KCNH1: variants seen among roughly 807,000 people sequenced by gnomAD.
KCNH1 encodes voltage-gated delayed rectifier potassium channel KCNH1.
KCNH1 carries 27 observed loss-of-function variants against 69.2 expected under a neutral mutation model. That is an observed-to-expected ratio of 0.39 (90% CI 0.29 to 0.54). KCNH1 has a LOEUF of 0.54. KCNH1 is among the 20% of genes least tolerant of loss of function. The pLI is 0.68. For synonymous variants in KCNH1, 456 were observed against 487.7 expected (o/e 0.93, Z 0.86); for missense variants, 798 against 1,261.6 (o/e 0.63, Z 5.57).
chr1:210,885,349 T>G (rs993430149), intron 7 of KCNH1, among the ~76,000 whole-genome samples: 2 of 152,194 alleles, frequency 1.3e-5, no homozygotes, highest in African/African-American at 4.8e-5. Context: ...CCTGAGGGAC[T>G]GTGCTGTGAG....
chr1:210,948,061 G>C (rs1049530411), intron 6 of KCNH1, among the ~76,000 whole-genome samples: 2 of 150,084 alleles, frequency 1.3e-5, no homozygotes, highest in African/African-American at 4.9e-5. Flanking sequence ...AAAAAAAAAG[G>C]AAAAAATTAG....
intron 6 of KCNH1, among the ~76,000 whole-genome samples, chr1:210,967,273 G>A (rs1335360460): frequency 6.6e-6 from 1 of 152,084 alleles, no homozygotes; most frequent in African/African-American, 2.4e-5. Flanking sequence ...GTATACCTAT[G>A]CAACAAAGCT....
At chr1:211,031,791 C>G (rs2102423529) in intron 5 of KCNH1, among the ~76,000 whole-genome samples, 1 of 152,274 alleles carries the variant, frequency 6.6e-6, no homozygotes, top group Middle Eastern at 3.4e-3. Context: ...ATGACAAACC[C>G]ATAGCCAATA....
At chr1:211,071,018 CAATT>C (rs1198825459) in intron 5 of KCNH1, among the ~76,000 whole-genome samples, 2 of 152,178 alleles carry the variant, frequency 1.3e-5, no homozygotes, top group Middle Eastern at 3.4e-3. Flanking sequence ...AATATAAAGT[CAATT>C]AACACATCTT....
At chr1:210,698,612 G>T (rs1002274680) in intron 10 of KCNH1, among the ~76,000 whole-genome samples, 3 of 152,184 alleles carry the variant, frequency 2.0e-5, no homozygotes, top group Non-Finnish European at 4.4e-5. Context: ...AATCACGGAG[G>T]GGAGGGAGCC....
At chr1:211,022,295 C>T (rs1024260689) in intron 5 of KCNH1, among the ~76,000 whole-genome samples, 2 of 152,034 alleles carry the variant, frequency 1.3e-5, no homozygotes, top group Non-Finnish European at 2.9e-5. Context: ...GAAATTAGAC[C>T]CCTATCTCTT....
At chr1:210,738,639 A>G (rs1021660967) in intron 10 of KCNH1, among the ~76,000 whole-genome samples, 5 of 133,868 alleles carry the variant, frequency 3.7e-5, no homozygotes, top group Non-Finnish European at 7.6e-5. Flanking sequence ...ATCAGAGCTC[A>G]CTGCAGCCTC....
In KCNH1 at chr1:210,838,098, C is replaced by A. The variant is rs541212564; in HGVS notation, c.1463-33932G>T. Among the ~76,000 whole-genome samples the A allele has an allele frequency of 2.1e-4, 32 of 152,228 alleles. 1 individual carries two copies. The East Asian group carries it at 5.4e-3, about 26-fold the overall frequency. On this transcript the variant is annotated intron_variant, in intron 7 of 10. Transcript: ENST00000271751. ...CCGTACCTAACTTCAAACTATACTACAGGGCTACAGTAACCAAAACAGCTT... is the reference window on the plus strand; with the variant it reads ...CCGTACCTAACTTCAAACTATACTAAAGGGCTACAGTAACCAAAACAGCTT...
chr1:210,790,122 T>C (rs1388128486), intron 9 of KCNH1, among the ~76,000 whole-genome samples: 1 of 152,244 alleles, frequency 6.6e-6, no homozygotes, highest in Non-Finnish European at 1.5e-5. Context: ...AAATACTTGG[T>C]CATTTAGAAA....
At chr1:210,872,161 A>C (rs1040080814) in intron 7 of KCNH1, among the ~76,000 whole-genome samples, 1 of 151,800 alleles carries the variant, frequency 6.6e-6, no homozygotes, top group Non-Finnish European at 1.5e-5. Flanking sequence ...AAAAAAAAAA[A>C]AAAAAAAGAT....
At chr1:210,818,115 G>A (rs1684856503) in intron 7 of KCNH1, among the ~76,000 whole-genome samples, 3 of 152,074 alleles carry the variant, frequency 2.0e-5, no homozygotes, top group Admixed American at 6.6e-5. Flanking sequence ...ACAAGAAGCA[G>A]GACTCCTTGG....
chr1:210,839,502 G>A (rs1428946323), intron 7 of KCNH1, among the ~76,000 whole-genome samples: 1 of 152,162 alleles, frequency 6.6e-6, no homozygotes, highest in African/African-American at 2.4e-5. Context: ...TGGGTGATGG[G>A]ATGATCTGTG....
At chr1:210,911,584 A>G (rs575245297) in intron 7 of KCNH1, among the ~76,000 whole-genome samples, 10 of 151,294 alleles carry the variant, frequency 6.6e-5, no homozygotes, top group African/African-American at 9.7e-5. Context: ...AACTTGCCAC[A>G]TCAGATATAT....
chr1:211,010,098 A>C (rs993672163), intron 6 of KCNH1, among the ~76,000 whole-genome samples: 2 of 152,186 alleles, frequency 1.3e-5, no homozygotes, highest in Admixed American at 6.5e-5. Context: ...ACAATGATGG[A>C]GTTCTCCACT....
chr1:210,721,615 G>C (rs1308214530), intron 10 of KCNH1, among the ~76,000 whole-genome samples: 1 of 152,146 alleles, frequency 6.6e-6, no homozygotes, highest in African/African-American at 2.4e-5. Flanking sequence ...AGGAGACTCT[G>C]TCCCAGCCCC....
At chr1:210,996,424 C>G (rs189913474) in intron 6 of KCNH1, among the ~76,000 whole-genome samples, 1 of 152,150 alleles carries the variant, frequency 6.6e-6, no homozygotes, top group Non-Finnish European at 1.5e-5. Flanking sequence ...AAGGTGGCAG[C>G]GAGGCTGGGG....
chr1:210,902,724 C>T (rs955183439), intron 7 of KCNH1, among the ~76,000 whole-genome samples: 1 of 152,200 alleles, frequency 6.6e-6, no homozygotes, highest in Non-Finnish European at 1.5e-5. Context: ...AGTGACACTG[C>T]CAAGAGCTAT....
At chr1:211,067,960 T>G (rs546769359) in intron 5 of KCNH1, among the ~76,000 whole-genome samples, 1 of 152,348 alleles carries the variant, frequency 6.6e-6, no homozygotes, top group Non-Finnish European at 1.5e-5. Flanking sequence ...GCACAGAATG[T>G]GGTACACAGT....
intron 6 of KCNH1, among the ~76,000 whole-genome samples, chr1:211,011,676 C>A (rs190930917): frequency 6.6e-6 from 1 of 152,252 alleles, no homozygotes; most frequent in Non-Finnish European, 1.5e-5. Flanking sequence ...GGAAGCCAGG[C>A]AGGATCGACT....
Sources: gnomAD v4.1 joint callset for allele counts (sites outside exome capture counted in the v4.1 genomes callset) on GRCh38, gnomAD v4.1.1 for gene constraint, MANE v1.5 for transcripts, NCBI Gene and HGNC (gene_info 2026-07-23, HGNC 2026-07-21) for gene names.